BTBD9: variants seen among roughly 807,000 people sequenced by gnomAD.
BTBD9 encodes the protein BTB/POZ domain-containing protein 9.
Under a neutral mutation model 64.3 loss-of-function variants are expected in BTBD9, and 49 were observed. That is an observed-to-expected ratio of 0.76 (90% confidence interval 0.61 to 0.97). The LOEUF is 0.97. Among genes scored for constraint, BTBD9 ranks in the 50% least tolerant of loss-of-function variants. The probability of loss-of-function intolerance (pLI) is 0.00; values close to 1 mark genes in which losing one functional copy is unlikely to be tolerated. For synonymous variants in BTBD9, 260 were observed against 274.7 expected (o/e 0.95, Z 0.53); for missense variants, 598 against 762.1 (o/e 0.78, Z 2.53).
intron 8 of BTBD9, among the ~76,000 whole-genome samples, chr6:38,267,662 G>A (rs1373102337): frequency 2.0e-5 from 3 of 152,274 alleles, no homozygotes; most frequent in East Asian, 3.9e-4. Context: ...GAGAGGGGTC[G>A]GGCACGGTGG....
In BTBD9 at chr6:38,373,184, C is replaced by T. The variant is rs186400642; in HGVS notation, c.1155-28091G>A. Among the ~76,000 whole-genome samples, 273 of 152,066 alleles carry T rather than the reference C, an allele frequency of 1.8e-3. 1 individual carries two copies. The highest frequency in any genetic ancestry group is 6.2e-3 in the African/African-American group (257 of 41,480). ...TTTCCAGTGATTCCCTGAACAGCAC[C>T]GAAAATAATCTAGGATTCAAAATAA... On this transcript the variant is annotated intron_variant, in intron 6 of 10. Coordinates refer to ENST00000481247, the MANE Select transcript of BTBD9 (RefSeq NM_001099272.2).
At chr6:38,196,055 T>C (rs1475577109) in intron 9 of BTBD9, among the ~76,000 whole-genome samples, 1 of 152,226 alleles carries the variant, frequency 6.6e-6, no homozygotes, top group Admixed American at 6.5e-5. Context: ...CAGCACTGTA[T>C]TATTACGCCA....
intron 6 of BTBD9, among the ~76,000 whole-genome samples, chr6:38,516,758 G>C (rs553131759): frequency 3.2e-3 from 482 of 152,198 alleles, no homozygotes; most frequent in South Asian, 0.027. Flanking sequence ...ACAGTGATCT[G>C]AGTAAAGTAT....
rs568154846 is a variant in BTBD9, at chr6:38,392,078, C to T, written c.1155-46985G>A. Among the ~76,000 whole-genome samples, 9 of 152,156 alleles carry T rather than the reference C, an allele frequency of 5.9e-5. No individual in the cohort carries two copies. The South Asian group carries it at 1.9e-3, about 32-fold the overall frequency. On this transcript the variant is annotated intron_variant, in intron 6 of 10. Coordinates refer to ENST00000481247, the MANE Select transcript of BTBD9 (RefSeq NM_001099272.2). ...AATAGACCACTTTCTGGCAAGACAC[C>T]AAACAAAGTCCAGAATGGCAAATCC...
At chr6:38,534,471 T>A in intron 6 of BTBD9, among the ~76,000 whole-genome samples, 1 of 137,136 alleles carries the variant, frequency 7.3e-6, no homozygotes. Context: ...CTACTCAAAC[T>A]GTTCAAAAAA....
At chr6:38,223,534 C>G (rs1763287277) in intron 9 of BTBD9, among the ~76,000 whole-genome samples, 1 of 152,088 alleles carries the variant, frequency 6.6e-6, no homozygotes, top group Non-Finnish European at 1.5e-5. Flanking sequence ...GATGAGGTCT[C>G]CCTATGTTGT....
At chr6:38,405,743 A>G (rs1767133179) in intron 6 of BTBD9, among the ~76,000 whole-genome samples, 2 of 152,230 alleles carry the variant, frequency 1.3e-5, no homozygotes, top group Non-Finnish European at 2.9e-5. Context: ...TCCCAAATAA[A>G]TAGAAGTCAA....
chr6:38,298,364 G>T (rs900333893), intron 7 of BTBD9, among the ~76,000 whole-genome samples: 3 of 151,470 alleles, frequency 2.0e-5, no homozygotes, highest in African/African-American at 7.3e-5. Context: ...ACACATTTTT[G>T]CAATTAAAAA....
intron 8 of BTBD9, among the ~76,000 whole-genome samples, chr6:38,263,870 G>C (rs1356126078): frequency 6.6e-6 from 1 of 152,154 alleles, no homozygotes; most frequent in Non-Finnish European, 1.5e-5. Flanking sequence ...GGAACTAAAA[G>C]GGCCAAAGAT....
Position 38,187,755 on chromosome 6 carries a change from T to G in BTBD9, c.1641+4764A>C, listed in dbSNP as rs1362371722. On this transcript the variant is annotated intron_variant, in intron 10 of 10. Transcript: ENST00000481247. ...CTTTAACAGGTAAGCATTGGGGGAA[T>G]TTACTGACAGAAGTCATAAACATAG... is the stretch of plus-strand genomic sequence containing the variant. Among the ~76,000 whole-genome samples, 3 of 152,210 alleles carry G rather than the reference T, an allele frequency of 2.0e-5. No individual in the cohort carries two copies. The East Asian group carries it at 5.8e-4, about 29-fold the overall frequency.
intron 9 of BTBD9, among the ~76,000 whole-genome samples, chr6:38,228,158 T>C (rs1400730090): frequency 6.6e-6 from 1 of 151,150 alleles, no homozygotes; most frequent in African/African-American, 2.4e-5. Flanking sequence ...GTCCAGAAGT[T>C]TGAGACCAGC....
intron 8 of BTBD9, among the ~76,000 whole-genome samples, chr6:38,283,106 C>T (rs1052390535): frequency 6.6e-6 from 1 of 152,164 alleles, no homozygotes; most frequent in South Asian, 2.1e-4. Context: ...GGAGTCTACC[C>T]TTTCTAGTAT....
intron 6 of BTBD9, among the ~76,000 whole-genome samples, chr6:38,368,312 C>T (rs1402526269): frequency 2.0e-5 from 3 of 152,060 alleles, no homozygotes; most frequent in African/African-American, 7.2e-5. Flanking sequence ...TTGATGCATG[C>T]GCTATACTAG....
intron 6 of BTBD9, among the ~76,000 whole-genome samples, chr6:38,417,634 C>A (rs1193204737): frequency 6.6e-6 from 1 of 151,926 alleles, no homozygotes; most frequent in African/African-American, 2.4e-5. Flanking sequence ...ATAAGCTGGG[C>A]ATGGTGGCAC....
chr6:38,363,990 C>A (rs1765085146), intron 6 of BTBD9, among the ~76,000 whole-genome samples: 1 of 152,112 alleles, frequency 6.6e-6, no homozygotes. Context: ...GAGAATGAGG[C>A]CTTGAGAATC....
chr6:38,215,612 T>C (rs1412626435), intron 9 of BTBD9, among the ~76,000 whole-genome samples: 3 of 152,206 alleles, frequency 2.0e-5, no homozygotes, highest in Non-Finnish European at 2.9e-5. Context: ...TTTTGAAAAG[T>C]TCAACGGAGT....
At chr6:38,602,373 A>C (rs974115425) in intron 1 of BTBD9, among the ~76,000 whole-genome samples, 8 of 152,148 alleles carry the variant, frequency 5.3e-5, no homozygotes, top group African/African-American at 1.9e-4. Context: ...TATACAATGA[A>C]ATATTATAAA....
At chr6:38,605,903 A>G (rs865881329) in intron 1 of BTBD9, among the ~76,000 whole-genome samples, 1 of 152,198 alleles carries the variant, frequency 6.6e-6, no homozygotes, top group Non-Finnish European at 1.5e-5. Flanking sequence ...TTGCCAAAGA[A>G]GATTAACATT....
intron 7 of BTBD9, among the ~76,000 whole-genome samples, chr6:38,319,634 A>G (rs767913463): frequency 2.6e-5 from 4 of 151,734 alleles, no homozygotes; most frequent in Non-Finnish European, 4.4e-5. Flanking sequence ...CCAGTGTCCT[A>G]TTCTACTGTG....
Sources: gnomAD v4.1 joint callset for allele counts (sites outside exome capture counted in the v4.1 genomes callset) on GRCh38, gnomAD v4.1.1 for gene constraint, MANE v1.5 for transcripts, NCBI Gene and HGNC (gene_info 2026-07-23, HGNC 2026-07-21) for gene names.